SSX2IP: variants seen among roughly 807,000 people sequenced by gnomAD.
The protein encoded by SSX2IP is SSX family member 2 interacting protein.
In SSX2IP, 55 loss-of-function variants were observed where a neutral mutation model predicts 84.9. The observed-to-expected ratio is 0.65, with a 90% CI of 0.52 to 0.81. The LOEUF (loss-of-function observed/expected upper bound fraction) is 0.81, where lower values mean the gene tolerates loss of function less well. Ranked by LOEUF, SSX2IP falls within the 30% of genes least tolerant of loss-of-function variation. The pLI is 0.00. For missense variants in SSX2IP, 664 were observed against 705.2 expected (o/e 0.94, Z 0.66); for synonymous variants, 239 against 234.7 (o/e 1.02, Z -0.17).
intron 1 of SSX2IP, among the ~76,000 whole-genome samples, chr1:84,685,691 C>A (rs3768240): frequency 0.51 from 76,968 of 152,098 alleles, 22,112 homozygotes; most frequent in East Asian, 0.72. Context: ...ATATGCTGAG[C>A]AAATGATATC....
At position 84,662,385 on chromosome 1, in the gene SSX2IP, A is replaced by G; in HGVS notation, c.750-10T>C. On this transcript the variant is annotated splice_polypyrimidine_tract_variant and intron_variant, in intron 7 of 13. Coordinates refer to ENST00000342203, the MANE Select transcript of SSX2IP (RefSeq NM_001166293.2). Reference sequence around the variant, plus strand: ...CATTTCATCTTCATTCCTGAGAAAGAAACTGTCAGTATGAAAATGCAGGAT... The same window carrying G: ...CATTTCATCTTCATTCCTGAGAAAGGAACTGTCAGTATGAAAATGCAGGAT... 2 of 1,607,352 alleles carry G rather than the reference A, an allele frequency of 1.2e-6. No individual in the cohort carries two copies. Among genetic ancestry groups the G allele is most frequent in the Non-Finnish European group, 1.7e-6 (2 of 1,177,422 alleles).
chr1:84,683,108 T>C (rs1655311892), intron 1 of SSX2IP, among the ~76,000 whole-genome samples: 2 of 151,680 alleles, frequency 1.3e-5, no homozygotes, highest in South Asian at 4.2e-4. Context: ...CACCCTACTA[T>C]CTTTAGTACA....
At chr1:84,658,278 A>C in intron 9 of SSX2IP, 40 bp downstream of exon 9, 1 of 1,609,436 alleles carries the variant, frequency 6.2e-7, no homozygotes, top group Non-Finnish European at 8.5e-7. Flanking sequence ...ACCTTACCAA[A>C]TGTCACAACT....
intron 8 of SSX2IP, among the ~76,000 whole-genome samples, chr1:84,661,061 G>A (rs1292169133): frequency 4.5e-5 from 4 of 89,832 alleles, no homozygotes; most frequent in South Asian, 4.4e-4. Context: ...GCAAGACTCC[G>A]TCTCTTAAAA....
In SSX2IP at chr1:84,666,223, C is replaced by G; in HGVS notation, c.436G>C (p.Glu146Gln). The G allele has an allele frequency of 6.2e-7, 1 of 1,608,866 alleles. No individual in the cohort carries two copies. Among genetic ancestry groups the G allele is most frequent in the Non-Finnish European group, 8.5e-7 (1 of 1,178,198 alleles). The change falls in exon 5 of 14, where the codon GAA becomes CAA. Residue 146 changes from glutamate (E) to glutamine (Q), a missense_variant. Transcript: ENST00000342203. ...CCAATCATTTCCCTCCTGGAGGTTT[C>G]CAGTTGTTCCTAAAACATTTATAAG... ...SCYSKLKEQLETSRREMIGLQ... is the reference protein window; with the variant it reads ...SCYSKLKEQLQTSRREMIGLQ...
chr1:84,690,237 G>T (rs556727198), intron 1 of SSX2IP, 134 bp downstream of exon 1: 1 of 151,936 alleles, frequency 6.6e-6, no homozygotes, highest in East Asian at 1.9e-4. Context: ...GGAGCCTCCC[G>T]CCGAACAACG....
At chr1:84,689,441 A>T (rs74098441) in intron 1 of SSX2IP, among the ~76,000 whole-genome samples, 4,115 of 152,284 alleles carry the variant, frequency 0.027, 192 homozygotes, top group African/African-American at 0.094. Context: ...GAAGTTCAAG[A>T]AGCCTCCACC....
At chr1:84,689,468 A>G (rs1462871262) in intron 1 of SSX2IP, among the ~76,000 whole-genome samples, 8 of 152,160 alleles carry the variant, frequency 5.3e-5, no homozygotes, top group Admixed American at 1.3e-4. Flanking sequence ...CTTCTAAATC[A>G]CCTTCTTTTC....
At chr1:84,659,669 A>T (rs1254074836) in intron 8 of SSX2IP, among the ~76,000 whole-genome samples, 1 of 151,644 alleles carries the variant, frequency 6.6e-6, no homozygotes, top group African/African-American at 2.4e-5. Flanking sequence ...GTGGTGGTGC[A>T]TGCCTGTACT....
Position 84,647,502 on chromosome 1 carries a change from C to T in SSX2IP, c.1776G>A (p.Gln592=), listed in dbSNP as rs544566634. Residue 592 remains glutamine (Q), a synonymous_variant, in exon 14 of 14, where the codon CAG becomes CAA. Transcript: ENST00000342203. ...AGGAGCATCCACTATAGCAACCTTC[C>T]TGTGATCCAGGTCTTGATGCCACAC... The part of the protein sequence containing the change: ...KWSVASRPGS[Q]EGCYSGCSLS... The T allele has an allele frequency of 1.9e-6, 3 of 1,613,262 alleles. No individual in the cohort carries two copies. The South Asian group carries it at 3.3e-5, about 18-fold the overall frequency.
Position 84,653,310 on chromosome 1 carries a change from C to T in SSX2IP, c.1390-1313G>A, listed in dbSNP as rs1382679559. Among the ~76,000 whole-genome samples the T allele has an allele frequency of 2.0e-5, 3 of 152,284 alleles. No individual in the cohort carries two copies. In the East Asian group the frequency reaches 5.8e-4, roughly 29 times the overall value. On this transcript the variant is annotated intron_variant, in intron 11 of 13. Coordinates refer to ENST00000342203, the MANE Select transcript of SSX2IP (RefSeq NM_001166293.2). ...TGACTTCATCAAGCATTTCTCTCATCCTCTAGCCATCTACCAGTACTGGTA... is the reference window on the plus strand; with the variant it reads ...TGACTTCATCAAGCATTTCTCTCATTCTCTAGCCATCTACCAGTACTGGTA...
In SSX2IP at chr1:84,647,333, CTTAAG is replaced by C. The variant is rs1649567939; in HGVS notation, c.*95_*99del. The C allele has an allele frequency of 9.3e-7, 1 of 1,069,636 alleles. No homozygotes were observed. 66.3% of individuals were successfully genotyped at this position (1,069,636 alleles called of 1,614,324 possible). A position where few individuals can be genotyped will look rare whatever the true frequency, so the allele number is the denominator to read the frequency against. ...AGTCCAAACAAACAACTCAGACCAT[CTTAAG>C]TTATTAGAGATAACTGACTTTATGA... On this transcript the variant is annotated 3_prime_UTR_variant, in exon 14 of 14. Transcript: ENST00000342203.
intron 1 of SSX2IP, among the ~76,000 whole-genome samples, chr1:84,684,850 T>C (rs1190970414): frequency 2.6e-5 from 4 of 151,920 alleles, no homozygotes; most frequent in Non-Finnish European, 4.4e-5. Context: ...TTTCAGAAGA[T>C]AGGGCATGTA....
At chr1:84,679,323 A>G (rs1654771936) in intron 1 of SSX2IP, among the ~76,000 whole-genome samples, 2 of 152,346 alleles carry the variant, frequency 1.3e-5, no homozygotes, top group South Asian at 2.1e-4. Flanking sequence ...ACAGAAACAC[A>G]TTAAGTCCAA....
intron 7 of SSX2IP, 22 bp from the exon 8 acceptor site, chr1:84,662,397 T>C (rs1313399907): frequency 1.9e-6 from 3 of 1,608,206 alleles, no homozygotes; most frequent in Non-Finnish European, 1.7e-6. Context: ...ACTGTCAGTA[T>C]GAAAATGCAG....
intron 12 of SSX2IP, 127 bp downstream of exon 12, chr1:84,651,756 A>C: frequency 8.3e-6 from 5 of 604,544 alleles, no homozygotes; most frequent in Non-Finnish European, 1.4e-5. Context: ...GTTGACTTTT[A>C]GTTATAATTA....
intron 1 of SSX2IP, among the ~76,000 whole-genome samples, chr1:84,676,732 T>A (rs1654400915): frequency 7.0e-6 from 1 of 142,468 alleles, no homozygotes; most frequent in Non-Finnish European, 1.5e-5. Flanking sequence ...TTTTTTTTTT[T>A]TTTTTTTTGA....
At chr1:84,668,008 G>A (rs1397202504) in intron 4 of SSX2IP, among the ~76,000 whole-genome samples, 2 of 152,096 alleles carry the variant, frequency 1.3e-5, no homozygotes, top group African/African-American at 2.4e-5. Flanking sequence ...CAACAAGTTG[G>A]ATTAATCATA....
chr1:84,686,311 G>A (rs1391103217), intron 1 of SSX2IP, among the ~76,000 whole-genome samples: 1 of 152,194 alleles, frequency 6.6e-6, no homozygotes, highest in Non-Finnish European at 1.5e-5. Flanking sequence ...GTCAGTGACT[G>A]AGGATAGTGA....
Sources: gnomAD v4.1 joint callset for allele counts (sites outside exome capture counted in the v4.1 genomes callset) on GRCh38, gnomAD v4.1.1 for gene constraint, MANE v1.5 for transcripts, NCBI Gene and HGNC (gene_info 2026-07-23, HGNC 2026-07-21) for gene names.